The following SGCD variants were observed in gnomAD, a reference collection of about 807,000 sequenced individuals.
The protein encoded by SGCD is sarcoglycan delta, also known as delta-sarcoglycan.
In SGCD, 18 loss-of-function variants were observed where a neutral mutation model predicts 36.6. The ratio of observed to expected loss-of-function variants is 0.49; its 90% CI spans 0.34 to 0.73. The LOEUF is 0.73. SGCD is among the 30% of genes least tolerant of loss of function. SGCD has a pLI of 0.01. For synonymous variants in SGCD, 133 were observed against 130.6 expected, an observed-to-expected ratio of 1.02 and a Z score of -0.12; for missense variants, 387 against 346.7, an observed-to-expected ratio of 1.12 and a Z score of -0.92.
At chr5:155,791,435 T>G in the SGCD span, among the ~76,000 whole-genome samples, 6 of 152,022 alleles carry the variant, frequency 3.9e-5, no homozygotes, top group African/African-American at 1.4e-4. Flanking sequence ...GAGAAAGAAA[T>G]AAAAGGCATC....
At chr5:156,246,663 C>T (rs1023034565) in intron 3 of SGCD, among the ~76,000 whole-genome samples, 3 of 152,110 alleles carry the variant, frequency 2.0e-5, no homozygotes, top group Non-Finnish European at 2.9e-5. Flanking sequence ...TATAGAGTAT[C>T]ACTATATTTA....
chr5:155,853,265 C>A, the SGCD span, among the ~76,000 whole-genome samples: 1 of 151,994 alleles, frequency 6.6e-6, no homozygotes, highest in African/African-American at 2.4e-5. Context: ...TCTCATTTAG[C>A]TTCTTACAGA....
At chr5:156,696,773 G>C (rs1031990381) in intron 7 of SGCD, among the ~76,000 whole-genome samples, 6 of 152,128 alleles carry the variant, frequency 3.9e-5, no homozygotes, top group African/African-American at 9.7e-5. Context: ...GCCTCCCAAA[G>C]TGCTGGGATT....
chr5:156,723,774 G>A (rs954146698), intron 7 of SGCD, among the ~76,000 whole-genome samples: 1 of 152,172 alleles, frequency 6.6e-6, no homozygotes, highest in Non-Finnish European at 1.5e-5. Context: ...AGACAACGCA[G>A]GGCTTGTGGG....
At chr5:156,109,931 A>C (rs572416680) in intron 1 of SGCD, among the ~76,000 whole-genome samples, 2 of 152,330 alleles carry the variant, frequency 1.3e-5, no homozygotes, top group Admixed American at 1.3e-4. Context: ...GGAGACCCTG[A>C]ATCATTTGAC....
intron 6 of SGCD, among the ~76,000 whole-genome samples, chr5:156,607,221 T>C (rs1451053794): frequency 6.6e-6 from 1 of 152,238 alleles, no homozygotes; most frequent in African/African-American, 2.4e-5. Flanking sequence ...ATACATCCCA[T>C]CAATACCTAG....
intron 1 of SGCD, among the ~76,000 whole-genome samples, chr5:156,068,927 A>C (rs1354440468): frequency 1.3e-5 from 2 of 151,994 alleles, no homozygotes; most frequent in Admixed American, 6.5e-5. Context: ...TCTTCTTTTG[A>C]GGAGTGTCTG....
the SGCD span, among the ~76,000 whole-genome samples, chr5:155,859,465 A>G: frequency 3.3e-5 from 5 of 152,160 alleles, no homozygotes; most frequent in Admixed American, 3.3e-4. Context: ...GAATCCTGTA[A>G]CTATGACTTT....
At chr5:155,800,579 C>T in the SGCD span, among the ~76,000 whole-genome samples, 6,828 of 90,940 alleles carry the variant, frequency 0.075, 332 homozygotes, top group African/African-American at 0.18. Flanking sequence ...TGCCTGAATG[C>T]TTATAACATT....
chr5:156,617,080 A>T (rs929229926), intron 6 of SGCD, among the ~76,000 whole-genome samples: 3 of 152,126 alleles, frequency 2.0e-5, no homozygotes, highest in Non-Finnish European at 4.4e-5. Context: ...TTTTCTTTCT[A>T]TCCTTCCTCA....
intron 3 of SGCD, among the ~76,000 whole-genome samples, chr5:156,143,541 G>T (rs1407509776): frequency 6.6e-6 from 1 of 152,190 alleles, no homozygotes; most frequent in Non-Finnish European, 1.5e-5. Context: ...GAGAGCAGCT[G>T]CAGGGGCTGA....
chr5:156,509,355 G>A (rs1004547299), intron 4 of SGCD, among the ~76,000 whole-genome samples: 69 of 152,116 alleles, frequency 4.5e-4, no homozygotes, highest in Non-Finnish European at 9.4e-4. Context: ...AACCCAGGAG[G>A]TGGAGGCTGC....
intron 1 of SGCD, among the ~76,000 whole-genome samples, chr5:156,026,679 A>G (rs1469874895): frequency 6.6e-6 from 1 of 152,186 alleles, no homozygotes; most frequent in African/African-American, 2.4e-5. Context: ...TACCAAGATT[A>G]ATGTTACTTT....
At chr5:156,061,125 C>A (rs190295310) in intron 1 of SGCD, among the ~76,000 whole-genome samples, 1 of 145,588 alleles carries the variant, frequency 6.9e-6, no homozygotes, top group Non-Finnish European at 1.5e-5. Context: ...CTCACAGAGA[C>A]GTTATTAATG....
intron 3 of SGCD, among the ~76,000 whole-genome samples, chr5:156,249,514 T>C (rs1212896351): frequency 6.6e-6 from 1 of 152,192 alleles, no homozygotes; most frequent in East Asian, 1.9e-4. Context: ...ATTTTCTATG[T>C]TCTGACACTC....
intron 3 of SGCD, among the ~76,000 whole-genome samples, chr5:156,449,989 G>A (rs1225778343): frequency 4.6e-5 from 7 of 152,022 alleles, no homozygotes; most frequent in Non-Finnish European, 1.0e-4. Flanking sequence ...TGTAGTGTCT[G>A]AAAGCCAAAA....
chr5:155,967,748 T>C (rs911299689), intron 1 of SGCD, among the ~76,000 whole-genome samples: 1 of 152,078 alleles, frequency 6.6e-6, no homozygotes, highest in African/African-American at 2.4e-5. Context: ...CAAGAGTGAA[T>C]GGACGATTTG....
At chr5:156,089,030 C>A (rs1761172111) in intron 1 of SGCD, among the ~76,000 whole-genome samples, 1 of 152,156 alleles carries the variant, frequency 6.6e-6, no homozygotes, top group Non-Finnish European at 1.5e-5. Flanking sequence ...GGCACCTTGT[C>A]CCCTGGATGG....
the SGCD span, among the ~76,000 whole-genome samples, chr5:155,824,644 G>A: frequency 6.6e-6 from 1 of 152,190 alleles, no homozygotes; most frequent in Non-Finnish European, 1.5e-5. Flanking sequence ...TGATGCAGCT[G>A]AGGCTCTGGG....
Sources: allele counts gnomAD v4.1 joint callset (sites outside exome capture counted in the v4.1 genomes callset), GRCh38; gene constraint gnomAD v4.1.1; transcripts MANE v1.5; gene names NCBI Gene and HGNC (gene_info 2026-07-23, HGNC 2026-07-21).